TLL1: variants seen among roughly 807,000 people sequenced by gnomAD.
TLL1 encodes tolloid like 1.
In TLL1, 49 loss-of-function variants were observed where a neutral mutation model predicts 128.2. The ratio of observed to expected loss-of-function variants is 0.38; its 90% CI spans 0.30 to 0.48. The LOEUF is 0.48. Ranked by LOEUF, TLL1 falls within the 20% of genes least tolerant of loss-of-function variation. TLL1 has a pLI of 0.96. For synonymous variants in TLL1, 454 were observed against 418.8 expected, an observed-to-expected ratio of 1.08 and a Z score of -1.03; for missense variants, 1,123 against 1,242.0, an observed-to-expected ratio of 0.90 and a Z score of 1.44.
intron 1 of TLL1, among the ~76,000 whole-genome samples, chr4:165,940,392 C>T (rs991710559): frequency 4.0e-5 from 6 of 151,740 alleles, no homozygotes; most frequent in African/African-American, 1.2e-4. Context: ...AGTGCACATT[C>T]GTATACTAAA....
At chr4:165,874,811 C>G (rs1730651477) in intron 1 of TLL1, 1 of 152,374 alleles carries the variant, frequency 6.6e-6, no homozygotes, top group African/African-American at 2.4e-5. Context: ...CTGAATGTCC[C>G]AGGTCCTTCC....
intron 1 of TLL1, among the ~76,000 whole-genome samples, chr4:165,905,091 C>T (rs1354719004): frequency 1.3e-5 from 2 of 152,168 alleles, no homozygotes; most frequent in Admixed American, 6.5e-5. Context: ...GAAGTAACTG[C>T]AGTGCTCATA....
At chr4:165,971,700 T>C (rs1176324553) in intron 1 of TLL1, among the ~76,000 whole-genome samples, 1 of 152,222 alleles carries the variant, frequency 6.6e-6, no homozygotes, top group Non-Finnish European at 1.5e-5. Flanking sequence ...TTTATTCTAA[T>C]GCAAGTGTAC....
chr4:166,062,656 A>G (rs893957584), intron 15 of TLL1, among the ~76,000 whole-genome samples: 1 of 152,160 alleles, frequency 6.6e-6, no homozygotes, highest in Non-Finnish European at 1.5e-5. Context: ...CAATCATGTC[A>G]TCTGCAAACA....
At chr4:165,897,629 C>G (rs12506232) in intron 1 of TLL1, among the ~76,000 whole-genome samples, 2 of 141,848 alleles carry the variant, frequency 1.4e-5, no homozygotes, top group African/African-American at 5.4e-5. Flanking sequence ...GTTACTGTAG[C>G]CTTATAGTAT....
chr4:165,993,713 G>T (rs1165995022), intron 3 of TLL1, among the ~76,000 whole-genome samples: 1 of 151,918 alleles, frequency 6.6e-6, no homozygotes, highest in Non-Finnish European at 1.5e-5. Flanking sequence ...ATTATGAAAG[G>T]CCATTAAGAA....
chr4:165,926,153 G>T (rs1352735774), intron 1 of TLL1, among the ~76,000 whole-genome samples: 2 of 152,262 alleles, frequency 1.3e-5, no homozygotes, highest in East Asian at 1.9e-4. Context: ...TATTTAATGA[G>T]ATTTGGGGCT....
intron 1 of TLL1, among the ~76,000 whole-genome samples, chr4:165,907,106 T>G (rs987289399): frequency 6.6e-6 from 1 of 152,216 alleles, no homozygotes; most frequent in Admixed American, 6.5e-5. Context: ...ATCAATGGTC[T>G]CAAAAAAGTT....
intron 1 of TLL1, among the ~76,000 whole-genome samples, chr4:165,905,296 C>T (rs1460057): frequency 0.31 from 46,615 of 152,090 alleles, 7,505 homozygotes; most frequent in East Asian, 0.51. Flanking sequence ...TGGAAACAAC[C>T]AAAATGTCCA....
chr4:165,939,676 G>A (rs1733916745), intron 1 of TLL1, among the ~76,000 whole-genome samples: 1 of 151,654 alleles, frequency 6.6e-6, no homozygotes, highest in South Asian at 2.1e-4. Flanking sequence ...ACCTCTGCTG[G>A]GCCACTAATT....
intron 8 of TLL1, among the ~76,000 whole-genome samples, chr4:166,016,551 T>C (rs1737958957): frequency 6.6e-6 from 1 of 152,056 alleles, no homozygotes; most frequent in Admixed American, 6.6e-5. Flanking sequence ...GGAAGATAAT[T>C]AGAAGTATAG....
chr4:165,899,304 T>G lies in TLL1; in HGVS notation c.169+25231T>G, dbSNP rs565061571. Among the ~76,000 whole-genome samples, 3 of 152,310 alleles carry G rather than the reference T, an allele frequency of 2.0e-5. No homozygotes were observed. In the South Asian group the frequency reaches 6.2e-4, roughly 32 times the overall value. On this transcript the variant is annotated intron_variant, in intron 1 of 20. Transcript: ENST00000061240. Reference sequence around the variant, plus strand: ...GCTCTTACTTCTTTAGTTCTTTTAATTGTGATGTTAGGGTGTTGATTTTAG... The same window carrying G: ...GCTCTTACTTCTTTAGTTCTTTTAAGTGTGATGTTAGGGTGTTGATTTTAG...
Position 165,959,116 on chromosome 4 carries a change from C to T in TLL1, c.170-30265C>T, listed in dbSNP as rs549322836. 5.1e-3 allele frequency among the ~76,000 whole-genome samples: 778 copies of T among 151,564 alleles called. 12 individuals carry two copies. Among genetic ancestry groups the T allele is most frequent in the African/African-American group, 0.018 (725 of 41,290 alleles). On this transcript the variant is annotated intron_variant, in intron 1 of 20. Transcript: ENST00000061240. ...ACCATGCTGTTTTGGTTACTGTAGC[C>T]TTGTAGTATAGTTTGAAGTCAGGTA...
At position 166,062,963 on chromosome 4, in the gene TLL1, T is replaced by C. The variant is rs1201497096; in HGVS notation, c.2008-2720T>C. On this transcript the variant is annotated intron_variant, in intron 15 of 20. Coordinates refer to ENST00000061240, the MANE Select transcript of TLL1 (RefSeq NM_012464.5). The stretch of plus-strand genomic sequence containing the variant: ...CATTTTGTCAAAGGCCTTTTCTGCA[T>C]CTATTGAGATAATCATGTGGTTTTT... Among the ~76,000 whole-genome samples, 7 of 152,336 alleles carry C rather than the reference T, an allele frequency of 4.6e-5. No individual in the cohort carries two copies. The East Asian group carries it at 1.2e-3, about 25-fold the overall frequency.
At position 166,100,944 on chromosome 4, in the gene TLL1, T is replaced by C. The variant is rs991914479; in HGVS notation, c.*68T>C. On this transcript the variant is annotated 3_prime_UTR_variant, in exon 21 of 21. Transcript: ENST00000061240. ...AGAGAAGACATATTTTTTTTAAAAC[T>C]GAAGATATTGGCACAAATGTTTTAT... 6.4e-7 allele frequency: 1 copy of C among 1,569,336 alleles called. No homozygotes were observed. Among genetic ancestry groups the C allele is most frequent in the Non-Finnish European group, 8.7e-7 (1 of 1,151,054 alleles).
chr4:165,936,463 C>T (rs887955789), intron 1 of TLL1, among the ~76,000 whole-genome samples: 4 of 151,256 alleles, frequency 2.6e-5, no homozygotes, highest in East Asian at 1.9e-4. Context: ...CCGCCTGCCT[C>T]GCCCTCCTAA....
intron 1 of TLL1, among the ~76,000 whole-genome samples, chr4:165,966,742 G>A (rs915915619): frequency 1.3e-5 from 2 of 152,100 alleles, no homozygotes; most frequent in Non-Finnish European, 2.9e-5. Flanking sequence ...AATAGGGTAT[G>A]GGTCACAGAG....
chr4:166,050,699 C>T (rs867547279), intron 12 of TLL1, among the ~76,000 whole-genome samples: 1 of 152,178 alleles, frequency 6.6e-6, no homozygotes, highest in Non-Finnish European at 1.5e-5. Context: ...CCAGGGCTGG[C>T]TTTCCTTCAG....
intron 5 of TLL1, among the ~76,000 whole-genome samples, chr4:165,997,280 A>G (rs1288654519): frequency 1.3e-5 from 2 of 152,204 alleles, no homozygotes; most frequent in Non-Finnish European, 2.9e-5. Context: ...CAAGTCAAGC[A>G]CATTAGCACT....
Sources: allele counts gnomAD v4.1 joint callset (sites outside exome capture counted in the v4.1 genomes callset), GRCh38; gene constraint gnomAD v4.1.1; transcripts MANE v1.5; gene names NCBI Gene and HGNC (gene_info 2026-07-23, HGNC 2026-07-21).